The following PCDHA5 variants were observed in gnomAD, a reference collection of about 807,000 sequenced individuals.
PCDHA5 encodes the protein protocadherin alpha 5, also known as protocadherin alpha-5.
PCDHA5 carries 43 observed loss-of-function variants against 61.6 expected under a neutral mutation model. The observed-to-expected ratio is 0.70, with a 90% CI of 0.55 to 0.90. The LOEUF (loss-of-function observed/expected upper bound fraction) is 0.90, where lower values mean the gene tolerates loss of function less well. PCDHA5 is among the 40% of genes least tolerant of loss of function. The probability of loss-of-function intolerance (pLI) is 0.00; values close to 1 mark genes in which losing one functional copy is unlikely to be tolerated. For missense variants in PCDHA5, 1,298 were observed against 1,222.7 expected (o/e 1.06, Z -0.92); for synonymous variants, 627 against 543.9 (o/e 1.15, Z -2.13).
In PCDHA5 at chr5:140,850,079, G is replaced by A. The variant is rs2150466050; in HGVS notation, c.2352+25952G>A. On this transcript the variant is annotated intron_variant, in intron 1 of 3. Coordinates refer to ENST00000529859, the MANE Select transcript of PCDHA5 (RefSeq NM_018908.3). ...TGCAGCCGTTGGACCACGAGGAGCTGGAGCTGCTACAGTTCCAGGTGAGCG... is the reference window on the plus strand; with the variant it reads ...TGCAGCCGTTGGACCACGAGGAGCTAGAGCTGCTACAGTTCCAGGTGAGCG... The A allele has an allele frequency of 1.6e-3, 2,619 of 1,596,602 alleles. 178 individuals are homozygous for A. In the African/African-American group the frequency reaches 0.028, roughly 17 times the overall value.
chr5:140,882,539 G>C (rs1303287274), intron 1 of PCDHA5: 2 of 1,614,110 alleles, frequency 1.2e-6, no homozygotes. Context: ...TTCTCGGATC[G>C]ACCGCGAGGA....
At chr5:140,943,248 ACT>A (rs1250099362) in intron 1 of PCDHA5, among the ~76,000 whole-genome samples, 2 of 133,008 alleles carry the variant, frequency 1.5e-5, no homozygotes, top group Non-Finnish European at 3.1e-5. Flanking sequence ...ACAGAGTGAG[ACT>A]CTGTCTCAAA....
At chr5:140,866,291 T>A (rs1193667769) in intron 1 of PCDHA5, 1 of 152,138 alleles carries the variant, frequency 6.6e-6, no homozygotes, top group Non-Finnish European at 1.5e-5. Flanking sequence ...TTGGGACAAG[T>A]ATAGATGTTG....
At position 140,858,057 on chromosome 5, in the gene PCDHA5, A is replaced by G. The variant is rs781982906; in HGVS notation, c.2352+33930A>G. On this transcript the variant is annotated intron_variant, in intron 1 of 3. Coordinates refer to ENST00000529859, the MANE Select transcript of PCDHA5 (RefSeq NM_018908.3). ...GCCACTGTGCTTGTGTCGCTTGTGG[A>G]GGGCAGCCAGGCACCCAAGGCCTCG... 1.9e-6 allele frequency: 3 copies of G among 1,597,162 alleles called. No homozygotes were observed. In the South Asian group the frequency reaches 3.3e-5, roughly 18 times the overall value.
At chr5:140,864,639 A>C (rs2048553058) in intron 1 of PCDHA5, 1 of 152,238 alleles carries the variant, frequency 6.6e-6, no homozygotes, top group South Asian at 2.1e-4. Flanking sequence ...ACAAAACAAA[A>C]CAATGTCAGC....
In PCDHA5 at chr5:140,969,317, G is replaced by T. The variant is rs1554231675; in HGVS notation, c.2353-9632G>T. 3 of 1,614,156 alleles carry T rather than the reference G, an allele frequency of 1.9e-6. No homozygotes were observed. The East Asian group carries it at 6.7e-5, about 36-fold the overall frequency. ...CCTGATTATTCTCAAAAATGAGGCT[G>T]TTTCTCAAAATGAGGTGAGACAGTG... is the stretch of plus-strand genomic sequence containing the variant. On this transcript the variant is annotated intron_variant, in intron 1 of 3. Transcript: ENST00000529859.
chr5:140,902,185 T>TTCTC (rs370111655), intron 1 of PCDHA5, among the ~76,000 whole-genome samples: 1 of 150,794 alleles, frequency 6.6e-6, no homozygotes, highest in African/African-American at 2.4e-5. Context: ...CCTTTATGTC[T>TTCTC]TCTCTCTCTC....
In PCDHA5 at chr5:141,011,713, T is replaced by G. The variant is rs1198989870; in HGVS notation, c.*1776T>G. 6.5e-6 allele frequency: 1 copy of G among 153,774 alleles called. No individual in the cohort carries two copies. The highest frequency in any genetic ancestry group is 1.5e-5 in the Non-Finnish European group (1 of 68,048). 9.5% of individuals were successfully genotyped at this position (153,774 alleles called of 1,614,324 possible). On this transcript the variant is annotated 3_prime_UTR_variant, in exon 4 of 4. Coordinates refer to ENST00000529859, the MANE Select transcript of PCDHA5 (RefSeq NM_018908.3). Reference sequence around the variant, plus strand: ...ATTTTGGAATGAATACTGACAATATTCCATGAGGGTGTGCAAGCACAAATT... The same window carrying G: ...ATTTTGGAATGAATACTGACAATATGCCATGAGGGTGTGCAAGCACAAATT...
intron 1 of PCDHA5, chr5:140,828,383 C>G: frequency 6.2e-7 from 1 of 1,614,256 alleles, no homozygotes; most frequent in South Asian, 1.1e-5. Context: ...GCTGTGCGGG[C>G]GGAGCGCGGA....
At position 140,851,080 on chromosome 5, in the gene PCDHA5, T is replaced by C. The variant is rs1329158388; in HGVS notation, c.2352+26953T>C. On this transcript the variant is annotated intron_variant, in intron 1 of 3. Coordinates refer to ENST00000529859, the MANE Select transcript of PCDHA5 (RefSeq NM_018908.3). ...GACTTCTAGTGAGAATTATAAACTGTATATTAAATAGATATTTTTTGGGTG... is the reference window on the plus strand; with the variant it reads ...GACTTCTAGTGAGAATTATAAACTGCATATTAAATAGATATTTTTTGGGTG... 5 of 1,302,950 alleles carry C rather than the reference T, an allele frequency of 3.8e-6. No individual in the cohort carries two copies. In the African/African-American group the frequency reaches 6.1e-5, roughly 16 times the overall value. The allele number at this position is 1,302,950 out of a possible 1,614,324, so 80.7% of individuals were successfully genotyped here.
rs1328741778 is a variant in PCDHA5, at chr5:140,850,113, G to T, written c.2352+25986G>T. On this transcript the variant is annotated intron_variant, in intron 1 of 3. Transcript: ENST00000529859. ...ACAGTTCCAGGTGAGCGCGCGCGAC[G>T]CGGGCGTGCCGCCTCTGGGCAGCAA... 18 of 1,595,940 alleles carry T rather than the reference G, an allele frequency of 1.1e-5. 2 individuals are homozygous for T. Among genetic ancestry groups the T allele is most frequent in the Non-Finnish European group, 1.5e-5 (18 of 1,167,848 alleles).
At chr5:140,882,907 A>T (rs11744560) in intron 1 of PCDHA5, 226,049 of 1,614,134 alleles carry the variant, frequency 0.14, 16,618 homozygotes, top group Middle Eastern at 0.18. Context: ...TATTACTGAC[A>T]GCCAGTGATG....
rs905171455 is a variant in PCDHA5 at position 140,851,815 on chromosome 5, A to G, written c.2352+27688A>G. The G allele has an allele frequency of 3.6e-5, 34 of 956,734 alleles. 1 individual carries two copies. Among genetic ancestry groups the G allele is most frequent in the Non-Finnish European group, 5.1e-6 (4 of 790,598 alleles). The allele number at this position is 956,734 out of a possible 1,614,324, so 59.3% of individuals were successfully genotyped here. Reference sequence around the variant, plus strand: ...TTGTTCTGTCAGTAATCCATAAGACAGAAATCTGTTTTTTTAAAAATATCT... The same window carrying G: ...TTGTTCTGTCAGTAATCCATAAGACGGAAATCTGTTTTTTTAAAAATATCT... On this transcript the variant is annotated intron_variant, in intron 1 of 3. Coordinates refer to ENST00000529859, the MANE Select transcript of PCDHA5 (RefSeq NM_018908.3).
intron 1 of PCDHA5, chr5:140,857,672 C>T: frequency 2.5e-6 from 4 of 1,596,908 alleles, no homozygotes; most frequent in Middle Eastern, 3.8e-4. Context: ...TGGGGGCGTG[C>T]CGCCTCTGGG....
At chr5:140,917,014 T>C (rs1272670553) in intron 1 of PCDHA5, among the ~76,000 whole-genome samples, 1 of 152,168 alleles carries the variant, frequency 6.6e-6, no homozygotes, top group Non-Finnish European at 1.5e-5. Context: ...TCTCCCTTCA[T>C]GTGCAGCTGC....
At chr5:140,897,258 G>A (rs1008292814) in intron 1 of PCDHA5, among the ~76,000 whole-genome samples, 1 of 151,682 alleles carries the variant, frequency 6.6e-6, no homozygotes, top group African/African-American at 2.4e-5. Flanking sequence ...ATGTATACAT[G>A]TGCCATGCTG....
chr5:140,976,378 C>G (rs908008970), intron 1 of PCDHA5, among the ~76,000 whole-genome samples: 2 of 151,926 alleles, frequency 1.3e-5, no homozygotes, highest in Non-Finnish European at 2.9e-5. Flanking sequence ...TGGTGAAACC[C>G]CATCTCTACT....
chr5:140,822,042 C>A lies in PCDHA5; in HGVS notation c.267C>A (p.Ile89=), dbSNP rs148967528. The change falls in exon 1 of 4, where the codon ATC becomes ATA. Residue 89 remains isoleucine (I), a synonymous_variant. Coordinates refer to ENST00000529859, the MANE Select transcript of PCDHA5 (RefSeq NM_018908.3). ...QNGILFVNSR[I]DREELCRRRA... ...GCATTTTGTTTGTGAATTCTCGGAT[C>A]GACCGGGAGGAGCTGTGCCGGCGGA... The A allele has an allele frequency of 1.9e-6, 3 of 1,614,176 alleles. No homozygotes were observed. Among genetic ancestry groups the A allele is most frequent in the Non-Finnish European group, 2.5e-6 (3 of 1,180,044 alleles).
At chr5:140,896,450 C>G (rs1009231622) in intron 1 of PCDHA5, among the ~76,000 whole-genome samples, 5 of 152,092 alleles carry the variant, frequency 3.3e-5, no homozygotes, top group Admixed American at 1.3e-4. Flanking sequence ...GCAACCTCCA[C>G]CTCCTGGGTT....
Sources: allele counts gnomAD v4.1 joint callset (sites outside exome capture counted in the v4.1 genomes callset), GRCh38; gene constraint gnomAD v4.1.1; transcripts MANE v1.5; gene names NCBI Gene and HGNC (gene_info 2026-07-23, HGNC 2026-07-21).